Variants in CAMKMT observed in about 807,000 individuals in gnomAD.
CAMKMT encodes the protein CaM KMT.
CAMKMT carries 53 observed loss-of-function variants against 48.0 expected under a neutral mutation model. The ratio of observed to expected loss-of-function variants is 1.10; its 90% CI spans 0.89 to 1.39. The LOEUF is 1.39. Among genes scored for constraint, CAMKMT ranks in the 40% most tolerant of loss-of-function variants. CAMKMT has a pLI of 0.00. For synonymous variants in CAMKMT, 165 were observed against 152.3 expected (o/e 1.08, Z -0.61); for missense variants, 428 against 402.7 (o/e 1.06, Z -0.54).
chr2:44,668,620 CT>C (rs944107181), intron 3 of CAMKMT, among the ~76,000 whole-genome samples: 5 of 152,012 alleles, frequency 3.3e-5, no homozygotes, highest in South Asian at 4.1e-4. Context: ...TTTTTCTTTA[CT>C]TTTTTTGAAA....
intron 3 of CAMKMT, among the ~76,000 whole-genome samples, chr2:44,438,424 T>C (rs1666418560): frequency 6.6e-6 from 1 of 152,210 alleles, no homozygotes; most frequent in South Asian, 2.1e-4. Flanking sequence ...GCTATAACTT[T>C]GAGGAAGTTT....
At chr2:44,363,132 T>C (rs1439214950) in intron 1 of CAMKMT, among the ~76,000 whole-genome samples, 2 of 152,122 alleles carry the variant, frequency 1.3e-5, no homozygotes, top group African/African-American at 4.8e-5. Flanking sequence ...GCTTTTAGAG[T>C]TATGAGTTAA....
chr2:44,740,964 A>G (rs1679644713), intron 7 of CAMKMT, among the ~76,000 whole-genome samples: 1 of 152,198 alleles, frequency 6.6e-6, no homozygotes, highest in South Asian at 2.1e-4. Flanking sequence ...AGTTGCAGTA[A>G]CTGGTAAAGA....
chr2:44,549,416 A>G lies in CAMKMT; in HGVS notation c.377-154867A>G, dbSNP rs1342678388. ...GACAAACATAATTCACCCCAAGGGA[A>G]GAGAAGAACCTCTCTCACACAGCAG... is the stretch of plus-strand genomic sequence containing the variant. On this transcript the variant is annotated intron_variant, in intron 3 of 10. Coordinates refer to ENST00000378494, the MANE Select transcript of CAMKMT (RefSeq NM_024766.5). 6.8e-6 allele frequency: 4 copies of G among 590,992 alleles called. No individual in the cohort carries two copies. The African/African-American group carries it at 7.6e-5, about 11-fold the overall frequency. 36.6% of individuals were successfully genotyped at this position (590,992 alleles called of 1,614,324 possible).
intron 3 of CAMKMT, among the ~76,000 whole-genome samples, chr2:44,557,874 C>G (rs963281471): frequency 6.6e-6 from 1 of 152,100 alleles, no homozygotes; most frequent in African/African-American, 2.4e-5. Flanking sequence ...GCTCTCTGCT[C>G]TGTATCAATT....
In CAMKMT at chr2:44,446,070, G is replaced by T. The variant is rs994587812; in HGVS notation, c.376+55765G>T. Among the ~76,000 whole-genome samples, 73 of 152,110 alleles carry T rather than the reference G, an allele frequency of 4.8e-4. 1 individual carries two copies. Among genetic ancestry groups the T allele is most frequent in the African/African-American group, 1.7e-3 (71 of 41,514 alleles). On this transcript the variant is annotated intron_variant, in intron 3 of 10. Transcript: ENST00000378494. ...ACAGCCAAGTATAAAGGGGTCGCTA[G>T]AGAACCTCTGGGACTACAGGTGTGT...
intron 1 of CAMKMT, among the ~76,000 whole-genome samples, chr2:44,367,082 T>C (rs1297292951): frequency 1.3e-5 from 2 of 152,220 alleles, no homozygotes; most frequent in East Asian, 3.9e-4. Context: ...AGGATAAGGT[T>C]TTCTGGTTTT....
chr2:44,735,405 A>C (rs1369424957), intron 7 of CAMKMT, among the ~76,000 whole-genome samples: 1 of 152,006 alleles, frequency 6.6e-6, no homozygotes, highest in Non-Finnish European at 1.5e-5. Context: ...TTTGTGTTTC[A>C]TCTATTCTTT....
At chr2:44,596,167 G>A (rs1394601865) in intron 3 of CAMKMT, among the ~76,000 whole-genome samples, 1 of 151,848 alleles carries the variant, frequency 6.6e-6, no homozygotes, top group African/African-American at 2.4e-5. Context: ...ACGAATTCTT[G>A]GCTGGACACA....
chr2:44,363,891 A>C (rs1678307226), intron 1 of CAMKMT, among the ~76,000 whole-genome samples: 1 of 150,944 alleles, frequency 6.6e-6, no homozygotes, highest in African/African-American at 2.4e-5. Context: ...GAGTTTCGCC[A>C]TGTTGGCCAG....
intron 3 of CAMKMT, among the ~76,000 whole-genome samples, chr2:44,458,163 C>G (rs1005891166): frequency 6.6e-6 from 1 of 151,162 alleles, no homozygotes; most frequent in Non-Finnish European, 1.5e-5. Context: ...CTTCCCACCT[C>G]AGCCTCCCAC....
At chr2:44,522,955 A>G (rs1423256469) in intron 3 of CAMKMT, among the ~76,000 whole-genome samples, 1 of 151,656 alleles carries the variant, frequency 6.6e-6, no homozygotes, top group Non-Finnish European at 1.5e-5. Context: ...CCAAATTTCA[A>G]GCTGTTACAC....
chr2:44,443,101 A>G (rs1666772923), intron 3 of CAMKMT, among the ~76,000 whole-genome samples: 1 of 152,210 alleles, frequency 6.6e-6, no homozygotes, highest in African/African-American at 2.4e-5. Flanking sequence ...CCTTAGAGGA[A>G]AAGTCTATGA....
At chr2:44,705,083 A>G (rs1265540114) in intron 4 of CAMKMT, among the ~76,000 whole-genome samples, 1 of 152,188 alleles carries the variant, frequency 6.6e-6, no homozygotes, top group African/African-American at 2.4e-5. Flanking sequence ...ATAAGCCGCT[A>G]GTGATCATAG....
At chr2:44,757,827 C>G (rs1680445162) in intron 9 of CAMKMT, among the ~76,000 whole-genome samples, 2 of 152,202 alleles carry the variant, frequency 1.3e-5, no homozygotes, top group Non-Finnish European at 1.5e-5. Context: ...ACCCCTTGGC[C>G]TACCAAAGTG....
chr2:44,625,706 C>T (rs1057443348), intron 3 of CAMKMT, among the ~76,000 whole-genome samples: 6 of 151,942 alleles, frequency 3.9e-5, no homozygotes, highest in African/African-American at 1.2e-4. Flanking sequence ...AGGTAAGGGT[C>T]GAGGTTCATT....
chr2:44,680,458 T>C (rs1037494852), intron 3 of CAMKMT, among the ~76,000 whole-genome samples: 2 of 152,142 alleles, frequency 1.3e-5, no homozygotes, highest in East Asian at 3.9e-4. Flanking sequence ...TTCTGCCAGC[T>C]TGTACAAAGA....
chr2:44,592,956 A>G (rs149936185), intron 3 of CAMKMT, among the ~76,000 whole-genome samples: 10 of 152,300 alleles, frequency 6.6e-5, no homozygotes, highest in East Asian at 1.9e-4. Flanking sequence ...CAAGCCTTCT[A>G]TGTCCTTACT....
At chr2:44,458,270 C>T (rs1330436789) in intron 3 of CAMKMT, among the ~76,000 whole-genome samples, 1 of 152,060 alleles carries the variant, frequency 6.6e-6, no homozygotes, top group Non-Finnish European at 1.5e-5. Context: ...TAGTCTCGAA[C>T]TCCTGATCTC....
Sources: gnomAD v4.1 joint callset for allele counts (sites outside exome capture counted in the v4.1 genomes callset) on GRCh38, gnomAD v4.1.1 for gene constraint, MANE v1.5 for transcripts, NCBI Gene and HGNC (gene_info 2026-07-23, HGNC 2026-07-21) for gene names.